CSNK2A1: variants seen among roughly 807,000 people sequenced by gnomAD.
CSNK2A1 encodes casein kinase II subunit alpha.
CSNK2A1 carries 10 observed loss-of-function variants against 62.9 expected under a neutral mutation model. The ratio of observed to expected loss-of-function variants is 0.16; its 90% CI spans 0.10 to 0.27. The LOEUF (loss-of-function observed/expected upper bound fraction) is 0.27, where lower values mean the gene tolerates loss of function less well. CSNK2A1 is among the 10% of genes least tolerant of loss of function. The pLI is 1.00. For synonymous variants in CSNK2A1, 124 were observed against 167.8 expected, an observed-to-expected ratio of 0.74 and a Z score of 2.02; for missense variants, 160 against 492.0, an observed-to-expected ratio of 0.33 and a Z score of 6.38.
intron 3 of CSNK2A1, chr20:507,223 C>G (rs980148673): frequency 3.3e-5 from 5 of 152,198 alleles, no homozygotes; most frequent in Non-Finnish European, 7.3e-5. Flanking sequence ...GATCACACCA[C>G]TGCACTGCAG....
Position 473,617 on chromosome 20 carries a change from A to G in CSNK2A1, c.*10344T>C, listed in dbSNP as rs1403799861. The G allele has an allele frequency of 6.6e-6, 1 of 152,220 alleles. No homozygotes were observed. The highest frequency in any genetic ancestry group is 1.5e-5 in the Non-Finnish European group (1 of 68,106). The allele number at this position is 152,220 out of a possible 1,614,324, so 9.4% of individuals were successfully genotyped here. A position where few individuals can be genotyped will look rare whatever the true frequency, so the allele number is the denominator to read the frequency against. On this transcript the variant is annotated 3_prime_UTR_variant, in exon 14 of 14. Transcript: ENST00000217244. ...CCATTGTCTTCTTCCAGATCTTGAG[A>G]CATTTTATTAAAACTTTCTCCAATC...
At chr20:493,184 A>T (rs1171884067) in intron 8 of CSNK2A1, among the ~76,000 whole-genome samples, 1 of 152,244 alleles carries the variant, frequency 6.6e-6, no homozygotes, top group East Asian at 1.9e-4. Flanking sequence ...AAAACTTAAG[A>T]TTCACCCTGG....
chr20:490,353 G>GTTTTTTTTTTTTTTTT (rs373775413), intron 9 of CSNK2A1, among the ~76,000 whole-genome samples: 10 of 53,438 alleles, frequency 1.9e-4, no homozygotes, highest in South Asian at 9.1e-4. Context: ...TTTTTTTTTA[G>GTTTTTTTTTTTTTTTT]TTTTTTTTTT....
chr20:508,585 T>C lies in CSNK2A1; in HGVS notation c.-34A>G. ...GGTTGGCGGACAAAGCTGGACTTGA[T>C]GTTTGGAGATCTGGCAGTCACTGTG... is the stretch of plus-strand genomic sequence containing the variant. On this transcript the variant is annotated 5_prime_UTR_variant, in exon 3 of 14. Transcript: ENST00000217244. The C allele has an allele frequency of 1.3e-6, 2 of 1,588,240 alleles. No individual in the cohort carries two copies. Among genetic ancestry groups the C allele is most frequent in the Admixed American group, 1.7e-5 (1 of 58,918 alleles).
In CSNK2A1 at chr20:479,563, G is replaced by C. The variant is rs190521661; in HGVS notation, c.*4398C>G. 52 of 152,298 alleles carry C rather than the reference G, an allele frequency of 3.4e-4. No homozygotes were observed. The highest frequency in any genetic ancestry group is 1.2e-3 in the African/African-American group (50 of 41,552). The allele number at this position is 152,298 out of a possible 1,614,324, so 9.4% of individuals were successfully genotyped here. ...ACCTGTGAAGAAAAGATTCAGAGAGGTTAACTGATCAAAAAAATCACACTG... is the reference window on the plus strand; with the variant it reads ...ACCTGTGAAGAAAAGATTCAGAGAGCTTAACTGATCAAAAAAATCACACTG... On this transcript the variant is annotated 3_prime_UTR_variant, in exon 14 of 14. Transcript: ENST00000217244.
intron 2 of CSNK2A1, among the ~76,000 whole-genome samples, chr20:520,070 T>C (rs2018913128): frequency 6.6e-6 from 1 of 151,756 alleles, no homozygotes; most frequent in Non-Finnish European, 1.5e-5. Context: ...GAGGGAAAAG[T>C]AAAATCATAA....
At chr20:508,704 A>G in intron 2 of CSNK2A1, 44 bp from the exon 3 acceptor site, 1 of 653,314 alleles carries the variant, frequency 1.5e-6, no homozygotes, top group Non-Finnish European at 2.6e-6. Flanking sequence ...CATTTACAGA[A>G]GGTATATGGG....
intron 1 of CSNK2A1, among the ~76,000 whole-genome samples, chr20:530,622 C>T (rs886200405): frequency 5.9e-5 from 9 of 151,996 alleles, no homozygotes; most frequent in Admixed American, 5.9e-4. Context: ...TATGGGTGTG[C>T]GCCACCACGC....
intron 1 of CSNK2A1, among the ~76,000 whole-genome samples, chr20:542,093 A>G (rs183129335): frequency 4.3e-4 from 66 of 152,308 alleles, no homozygotes; most frequent in African/African-American, 1.5e-3. Flanking sequence ...CTTGACTATA[A>G]ATTTTACTTA....
chr20:529,022 A>G (rs1373767199), intron 1 of CSNK2A1, among the ~76,000 whole-genome samples: 2 of 152,124 alleles, frequency 1.3e-5, no homozygotes, highest in African/African-American at 2.4e-5. Context: ...TCCAGAAATA[A>G]ATAAGTCATA....
chr20:502,582 A>AC (rs2018493757), intron 4 of CSNK2A1: 1 of 152,236 alleles, frequency 6.6e-6, no homozygotes, highest in South Asian at 2.1e-4. Context: ...AAGGAAATTC[A>AC]TCTATACTTA....
At chr20:541,950 C>T (rs924052674) in intron 1 of CSNK2A1, among the ~76,000 whole-genome samples, 1 of 152,088 alleles carries the variant, frequency 6.6e-6, no homozygotes, top group African/African-American at 2.4e-5. Context: ...TTGAGAATAC[C>T]ACGGAGGAGA....
rs540091863 is a variant in CSNK2A1 at position 517,033 on chromosome 20, C to A, written c.-109-8373G>T. Among the ~76,000 whole-genome samples, 5 of 152,294 alleles carry A rather than the reference C, an allele frequency of 3.3e-5. No homozygotes were observed. The South Asian group carries it at 1.0e-3, about 32-fold the overall frequency. ...GAAAAGCAGCTATACAGGAAGACACCTTTTATGCACTGCTGCAGAGAATGA... is the reference window on the plus strand; with the variant it reads ...GAAAAGCAGCTATACAGGAAGACACATTTTATGCACTGCTGCAGAGAATGA... On this transcript the variant is annotated intron_variant, in intron 2 of 13. Transcript: ENST00000217244.
In CSNK2A1 at chr20:508,569, A is replaced by G. The variant is rs763918759; in HGVS notation, c.-18T>C. The G allele has an allele frequency of 6.2e-7, 1 of 1,603,440 alleles. No individual in the cohort carries two copies. The highest frequency in any genetic ancestry group is 8.5e-7 in the Non-Finnish European group (1 of 1,172,044). The stretch of plus-strand genomic sequence containing the variant: ...CCCGACATGTCAGACAGGTTGGCGG[A>G]CAAAGCTGGACTTGATGTTTGGAGA... On this transcript the variant is annotated 5_prime_UTR_variant, in exon 3 of 14. Coordinates refer to ENST00000217244, the MANE Select transcript of CSNK2A1 (RefSeq NM_177559.3).
intron 2 of CSNK2A1, among the ~76,000 whole-genome samples, chr20:518,757 G>A (rs190395594): frequency 3.5e-5 from 5 of 141,582 alleles, no homozygotes; most frequent in Admixed American, 7.3e-5. Flanking sequence ...GGGTTTCACC[G>A]TGTTAGCCAG....
At chr20:491,923 C>CAAAACA (rs928166133) in intron 9 of CSNK2A1, among the ~76,000 whole-genome samples, 17 of 152,144 alleles carry the variant, frequency 1.1e-4, no homozygotes, top group East Asian at 3.9e-4. Context: ...GACTCCGTCT[C>CAAAACA]AAAACAAAAA....
At chr20:524,421 CAAAAA>C (rs71191944) in intron 2 of CSNK2A1, among the ~76,000 whole-genome samples, 4 of 74,754 alleles carry the variant, frequency 5.4e-5, no homozygotes, top group Non-Finnish European at 5.6e-5. Flanking sequence ...GGCTCCTTCT[CAAAAA>C]AAAAAAAAAA....
chr20:513,075 T>C (rs1202398864), intron 2 of CSNK2A1, among the ~76,000 whole-genome samples: 3 of 152,224 alleles, frequency 2.0e-5, no homozygotes, highest in Non-Finnish European at 4.4e-5. Context: ...AACAGCAGCA[T>C]GAACCCAACA....
Position 478,542 on chromosome 20 carries a change from C to T in CSNK2A1, c.*5419G>A, listed in dbSNP as rs2122476169. On this transcript the variant is annotated 3_prime_UTR_variant, in exon 14 of 14. Coordinates refer to ENST00000217244, the MANE Select transcript of CSNK2A1 (RefSeq NM_177559.3). ...GAAGCTGACTCAGAAATACTCAATC[C>T]CCCCAGGAACTTCTCTAAGAAATGG... 1 of 277,160 alleles carries T rather than the reference C, an allele frequency of 3.6e-6. No homozygotes were observed. Among genetic ancestry groups the T allele is most frequent in the Non-Finnish European group, 7.2e-6 (1 of 138,666 alleles). The allele number at this position is 277,160 out of a possible 1,614,324, so 17.2% of individuals were successfully genotyped here. A position where few individuals can be genotyped will look rare whatever the true frequency, so the allele number is the denominator to read the frequency against.
Sources: gnomAD v4.1 joint callset for allele counts (sites outside exome capture counted in the v4.1 genomes callset) on GRCh38, gnomAD v4.1.1 for gene constraint, MANE v1.5 for transcripts, NCBI Gene and HGNC (gene_info 2026-07-23, HGNC 2026-07-21) for gene names.